The following EYS variants were observed in gnomAD, a reference collection of about 807,000 sequenced individuals.
EYS encodes the protein EGF-like photoreceptor maintenance factor, also known as protein eyes shut homolog.
In EYS, 250 loss-of-function variants were observed where a neutral mutation model predicts 282.1. The ratio of observed to expected loss-of-function variants is 0.89; its 90% confidence interval spans 0.80 to 0.98. The LOEUF (loss-of-function observed/expected upper bound fraction) is 0.98. EYS is among the 50% of genes least tolerant of loss of function. The probability of loss-of-function intolerance (pLI) is 0.00; values close to 1 mark genes in which losing one functional copy is unlikely to be tolerated. For missense variants in EYS, 4,016 were observed against 3,709.0 expected (o/e 1.08, Z -2.15); for synonymous variants, 1,355 against 1,282.9 (o/e 1.06, Z -1.20).
chr6:65,185,340 A>T (rs1180592049), intron 12 of EYS, among the ~76,000 whole-genome samples: 1 of 151,840 alleles, frequency 6.6e-6, no homozygotes, highest in Non-Finnish European at 1.5e-5. Flanking sequence ...CAGAACACTC[A>T]GACTCACATA....
chr6:64,627,822 G>A (rs1767655768), intron 22 of EYS, among the ~76,000 whole-genome samples: 1 of 152,208 alleles, frequency 6.6e-6, no homozygotes, highest in Non-Finnish European at 1.5e-5. Flanking sequence ...GCTCACGCCT[G>A]TAATCCCAGC....
intron 12 of EYS, among the ~76,000 whole-genome samples, chr6:65,094,820 G>T (rs892286444): frequency 6.6e-6 from 1 of 150,716 alleles, no homozygotes; most frequent in Non-Finnish European, 1.5e-5. Flanking sequence ...AGCTGGAAAA[G>T]GAATAACAAA....
chr6:64,077,833 C>T (rs569005970), intron 32 of EYS, among the ~76,000 whole-genome samples: 7 of 152,036 alleles, frequency 4.6e-5, no homozygotes, highest in Non-Finnish European at 7.4e-5. Flanking sequence ...TCCCTTCTCT[C>T]GTGACCTATT....
At chr6:63,929,595 C>T (rs1315034152) in intron 35 of EYS, among the ~76,000 whole-genome samples, 2 of 152,144 alleles carry the variant, frequency 1.3e-5, no homozygotes, top group Non-Finnish European at 2.9e-5. Flanking sequence ...TTGTATGATG[C>T]TCTGTCAGCT....
intron 33 of EYS, among the ~76,000 whole-genome samples, chr6:64,023,340 C>G (rs1769282204): frequency 6.6e-6 from 1 of 152,186 alleles, no homozygotes; most frequent in African/African-American, 2.4e-5. Context: ...TCCCTGTTTT[C>G]AATTCTTTTG....
chr6:65,344,933 TTATC>T (rs1228682847), intron 9 of EYS, among the ~76,000 whole-genome samples: 2 of 151,690 alleles, frequency 1.3e-5, no homozygotes, highest in African/African-American at 4.8e-5. Flanking sequence ...AGGACAGTAT[TTATC>T]TAAAGAATCT....
intron 19 of EYS, among the ~76,000 whole-genome samples, chr6:64,850,139 C>G (rs138553258): frequency 2.0e-5 from 3 of 152,078 alleles, no homozygotes; most frequent in Non-Finnish European, 4.4e-5. Flanking sequence ...TTTAGACTCA[C>G]TTGCCACATC....
At position 64,485,574 on chromosome 6, in the gene EYS, C is replaced by G. The variant is rs1776557092; in HGVS notation, c.5645-46222G>C. Among the ~76,000 whole-genome samples the G allele has an allele frequency of 1.3e-5, 2 of 151,528 alleles. 1 individual carries two copies. Among genetic ancestry groups the G allele is most frequent in the South Asian group, 4.1e-4 (2 of 4,830 alleles). On this transcript the variant is annotated intron_variant, in intron 26 of 42. Coordinates refer to ENST00000503581, the MANE Select transcript of EYS (RefSeq NM_001142800.2). ...TCCCTTTCCAAACCTAACACCCACT[C>G]AATGTCCTGATTACTAGGCTCTAGC...
intron 12 of EYS, among the ~76,000 whole-genome samples, chr6:65,261,357 T>C (rs758795543): frequency 7.9e-5 from 12 of 151,912 alleles, no homozygotes; most frequent in Non-Finnish European, 1.5e-4. Flanking sequence ...TCCAAATATA[T>C]ACAAAGTGAG....
intron 30 of EYS, among the ~76,000 whole-genome samples, chr6:64,277,437 A>T (rs1336505438): frequency 6.6e-6 from 1 of 152,146 alleles, no homozygotes; most frequent in Non-Finnish European, 1.5e-5. Context: ...AACCTGTAAG[A>T]TAAACCTAAA....
intron 22 of EYS, among the ~76,000 whole-genome samples, chr6:64,763,143 C>T (rs1219572470): frequency 6.6e-6 from 1 of 151,756 alleles, no homozygotes; most frequent in Non-Finnish European, 1.5e-5. Flanking sequence ...TAAATATTAC[C>T]ACAGGAATAA....
At chr6:64,542,638 A>G (rs541367430) in intron 26 of EYS, among the ~76,000 whole-genome samples, 6 of 152,230 alleles carry the variant, frequency 3.9e-5, no homozygotes, top group Non-Finnish European at 7.4e-5. Flanking sequence ...TCAATTTTAC[A>G]TTTAAGATGA....
chr6:63,831,968 T>C (rs1771652126), intron 36 of EYS, among the ~76,000 whole-genome samples: 1 of 152,082 alleles, frequency 6.6e-6, no homozygotes, highest in African/African-American at 2.4e-5. Context: ...GAATGACTAC[T>C]GGGTACATAA....
Position 64,593,261 on chromosome 6 carries a change from A to T in EYS, c.3733T>A (p.Cys1245Ser). Residue 1245 changes from cysteine (C) to serine (S), a missense_variant, in exon 25 of 43, where the codon TGT (cysteine) becomes AGT (serine). By Grantham distance (112) the Cys-to-Ser change is moderately radical. Coordinates refer to ENST00000503581, the MANE Select transcript of EYS (RefSeq NM_001142800.2). ...GTTCTTTGAAAGATGGGAGTTAAAC[A>T]GGTAATTCTCCTTATTTCATCACCA... ...LCGDEIRRIT[C>S]LTPIFQRTDP... 2 of 1,550,668 alleles carry T rather than the reference A, an allele frequency of 1.3e-6. No individual in the cohort carries two copies. The highest frequency in any genetic ancestry group is 1.7e-6 in the Non-Finnish European group (2 of 1,146,396).
At position 63,725,596 on chromosome 6, in the gene EYS, A is replaced by T. The variant is rs183675929; in HGVS notation, c.8233+923T>A. ...TTAAAACCAAATATCTCAGGAGAAC[A>T]AATTTCTTCTGAGCTGTATTTTATA... is the stretch of plus-strand genomic sequence containing the variant. On this transcript the variant is annotated intron_variant, in intron 42 of 42. Coordinates refer to ENST00000503581, the MANE Select transcript of EYS (RefSeq NM_001142800.2). 2.6e-5 allele frequency among the ~76,000 whole-genome samples: 4 copies of T among 152,250 alleles called. No homozygotes were observed. The East Asian group carries it at 7.7e-4, about 29-fold the overall frequency.
intron 11 of EYS, among the ~76,000 whole-genome samples, chr6:65,314,955 C>T (rs1769260518): frequency 6.6e-6 from 1 of 152,214 alleles, no homozygotes; most frequent in East Asian, 1.9e-4. Context: ...AATCATATCA[C>T]CAAAACACTT....
At chr6:65,530,999 ATAGAT>A (rs1438775181) in intron 2 of EYS, among the ~76,000 whole-genome samples, 1 of 152,214 alleles carries the variant, frequency 6.6e-6, no homozygotes, top group Non-Finnish European at 1.5e-5. Flanking sequence ...AAAAATAGTA[ATAGAT>A]TAAAGAATTT....
intron 34 of EYS, among the ~76,000 whole-genome samples, chr6:63,994,296 G>C (rs1248590031): frequency 1.3e-5 from 2 of 151,894 alleles, no homozygotes; most frequent in Non-Finnish European, 2.9e-5. Context: ...CTAGTGGCAA[G>C]CCTTAAGTAG....
intron 1 of EYS, among the ~76,000 whole-genome samples, chr6:65,652,190 G>C (rs1767676620): frequency 6.6e-6 from 1 of 151,958 alleles, no homozygotes; most frequent in South Asian, 2.1e-4. Context: ...TGAAATAAAA[G>C]AAAAATGCTT....
Sources: gnomAD v4.1 joint callset for allele counts (sites outside exome capture counted in the v4.1 genomes callset) on GRCh38, gnomAD v4.1.1 for gene constraint, MANE v1.5 for transcripts, NCBI Gene and HGNC (gene_info 2026-07-23, HGNC 2026-07-21) for gene names.